The following COL5A1 variants were observed in gnomAD, a reference collection of about 807,000 sequenced individuals.
The protein encoded by COL5A1 is collagen type V alpha 1 chain.
Under a neutral mutation model 263.7 loss-of-function variants are expected in COL5A1, and 16 were observed. The ratio of observed to expected loss-of-function variants is 0.06; its 90% CI spans 0.04 to 0.09. COL5A1 has a LOEUF of 0.09. COL5A1 is among the 10% of genes least tolerant of loss of function. COL5A1 has a pLI of 1.00. For missense variants in COL5A1, 2,036 were observed against 2,540.5 expected, an observed-to-expected ratio of 0.80 and a Z score of 4.27; for synonymous variants, 1,012 against 1,004.5, an observed-to-expected ratio of 1.01 and a Z score of -0.14.
chr9:134,810,353 GGGC>G, intron 44 of COL5A1, 45 bp downstream of exon 44: 6 of 1,594,410 alleles, frequency 3.8e-6, no homozygotes, highest in Non-Finnish European at 5.2e-6. Context: ...AGGTCCCGGG[GGGC>G]CTCGTCGCAG....
chr9:134,816,038 T>C lies in COL5A1; in HGVS notation c.4122+50T>C, dbSNP rs772719603. The C allele has an allele frequency of 3.2e-6, 5 of 1,582,120 alleles. No individual in the cohort carries two copies. In the South Asian group the frequency reaches 4.4e-5, roughly 14 times the overall value. The stretch of plus-strand genomic sequence containing the variant: ...TCCTGGTGGAGGTGTCAGTGTATTC[T>C]TGGGACCTTGCAGCTTGCTTGACTC... On this transcript the variant is annotated intron_variant, in intron 52 of 65. Coordinates refer to ENST00000371817, the MANE Select transcript of COL5A1 (RefSeq NM_000093.5).
rs1272898875 is a variant in COL5A1 at position 134,844,476 on chromosome 9, A to C, written c.*2173A>C. The C allele has an allele frequency of 6.6e-6, 1 of 152,464 alleles. No homozygotes were observed. Among genetic ancestry groups the C allele is most frequent in the East Asian group, 1.9e-4 (1 of 5,202 alleles). 9.4% of individuals were successfully genotyped at this position (152,464 alleles called of 1,614,324 possible). A position where few individuals can be genotyped will look rare whatever the true frequency, so the allele number is the denominator to read the frequency against. ...GTTATAATTTGTACTGAACTTCAAA[A>C]TGTGTCCCGTTCTCCCCAGACCACT... On this transcript the variant is annotated 3_prime_UTR_variant, in exon 66 of 66. Transcript: ENST00000371817.
intron 18 of COL5A1, among the ~76,000 whole-genome samples, chr9:134,761,164 A>G: frequency 7.2e-6 from 1 of 138,460 alleles, no homozygotes; most frequent in East Asian, 2.3e-4. Context: ...ACACGCATAC[A>G]CACCTATACA....
chr9:134,744,657 GCT>G (rs955681613), intron 11 of COL5A1, among the ~76,000 whole-genome samples: 27 of 130,052 alleles, frequency 2.1e-4, no homozygotes, highest in African/African-American at 7.9e-4. Flanking sequence ...ACACAGGTAC[GCT>G]CACACACATG....
Position 134,762,005 on chromosome 9 carries a change from G to A in COL5A1, c.1989+27G>A, listed in dbSNP as rs753057282. The A allele has an allele frequency of 1.5e-5, 24 of 1,609,878 alleles. No homozygotes were observed. The South Asian group carries it at 2.6e-4, about 18-fold the overall frequency. On this transcript the variant is annotated intron_variant, in intron 19 of 65. Coordinates refer to ENST00000371817, the MANE Select transcript of COL5A1 (RefSeq NM_000093.5). ...TAGGTATTCTGCCGTCCCTCCGACT[G>A]CTCCTGCCTGCCCTACTCCTCAGTG...
intron 1 of COL5A1, among the ~76,000 whole-genome samples, chr9:134,668,148 A>G (rs2132508174): frequency 6.6e-6 from 1 of 152,334 alleles, no homozygotes; most frequent in East Asian, 1.9e-4. Flanking sequence ...CAATCAGAAG[A>G]TCTTGTGATC....
In COL5A1 at chr9:134,789,282, G is replaced by C; in HGVS notation, c.2700+74G>C. The C allele has an allele frequency of 8.0e-7, 1 of 1,249,188 alleles. No individual in the cohort carries two copies. Among genetic ancestry groups the C allele is most frequent in the Non-Finnish European group, 1.2e-6 (1 of 859,454 alleles). 77.4% of individuals were successfully genotyped at this position (1,249,188 alleles called of 1,614,324 possible). A position where few individuals can be genotyped will look rare whatever the true frequency, so the allele number is the denominator to read the frequency against. On this transcript the variant is annotated intron_variant, in intron 32 of 65. Transcript: ENST00000371817. This position sits in a 1 kb window ranked among gnomAD's most constrained non-coding sequence, Gnocchi z 4.8. ...TGCCTAGCAAGTTGGTTCTCCAGCC[G>C]ACGGCCTGTTTATTTCTCACTCTCT...
chr9:134,702,749 C>T (rs1833716867), intron 4 of COL5A1, among the ~76,000 whole-genome samples: 1 of 152,236 alleles, frequency 6.6e-6, no homozygotes, highest in African/African-American at 2.4e-5. Context: ...AGAGTGCTGG[C>T]CTCAGGGCAA....
At position 134,786,012 on chromosome 9, in the gene COL5A1, A is replaced by G; in HGVS notation, c.2610A>G (p.Pro870=). ...TCCCCCAGGGAAAACTCGGAGTCCCAGGGTTACCAGGGTATCCAGGAAGAC... is the reference window on the plus strand; with the variant it reads ...TCCCCCAGGGAAAACTCGGAGTCCCGGGGTTACCAGGGTATCCAGGAAGAC... ...PPGEKGKLGV[P]GLPGYPGRQG... Residue 870 remains proline (P), a synonymous_variant, in exon 31 of 66, where the codon CCA becomes CCG. Coordinates refer to ENST00000371817, the MANE Select transcript of COL5A1 (RefSeq NM_000093.5). 6.2e-7 allele frequency: 1 copy of G among 1,613,342 alleles called. No individual in the cohort carries two copies. Among genetic ancestry groups the G allele is most frequent in the Non-Finnish European group, 8.5e-7 (1 of 1,179,736 alleles).
chr9:134,693,448 A>G (rs1833355541), intron 2 of COL5A1, among the ~76,000 whole-genome samples: 1 of 152,156 alleles, frequency 6.6e-6, no homozygotes, highest in South Asian at 2.1e-4. Context: ...TTGCTCTTCC[A>G]GAGCCTTCTG....
intron 1 of COL5A1, among the ~76,000 whole-genome samples, chr9:134,687,026 C>A (rs1409784722): frequency 6.6e-6 from 1 of 152,172 alleles, no homozygotes; most frequent in Non-Finnish European, 1.5e-5. Context: ...CTCCACTATC[C>A]CATTTGGGGT....
chr9:134,731,727 C>T (rs1834889757), intron 8 of COL5A1, 64 bp downstream of exon 8: 9 of 1,542,276 alleles, frequency 5.8e-6, no homozygotes, highest in Non-Finnish European at 7.9e-6. Flanking sequence ...CATGGGGGCT[C>T]CTGCCCAAGA....
At chr9:134,653,633 C>T (rs1413419791) in intron 1 of COL5A1, among the ~76,000 whole-genome samples, 4 of 152,208 alleles carry the variant, frequency 2.6e-5, no homozygotes, top group Non-Finnish European at 2.9e-5. Flanking sequence ...CCAGGCTCTG[C>T]AGAGCCAGGG....
At chr9:134,701,532 T>C (rs1833676366) in intron 4 of COL5A1, among the ~76,000 whole-genome samples, 199 bp downstream of exon 4, 1 of 152,198 alleles carries the variant, frequency 6.6e-6, no homozygotes, top group African/African-American at 2.4e-5. Flanking sequence ...CCAGAGCTGC[T>C]GCCGCCTGTA....
chr9:134,830,311 C>T (rs1588609546), intron 64 of COL5A1: 1 of 878,762 alleles, frequency 1.1e-6, no homozygotes, highest in Non-Finnish European at 1.8e-6. Flanking sequence ...CACGTGACAG[C>T]AAGACTCAGC....
In COL5A1 at chr9:134,681,349, G is replaced by A. The variant is rs1832850413; in HGVS notation, c.110-9563G>A. ...CCTTTACAAACAGAGCAAATTGATG[G>A]CTTCGTGAACAATTTCTGCGAGCAT... On this transcript the variant is annotated intron_variant, in intron 1 of 65. Transcript: ENST00000371817. This position sits in a 1 kb window ranked among gnomAD's most constrained non-coding sequence, Gnocchi z 4.3. Among the ~76,000 whole-genome samples, 1 of 152,246 alleles carries A rather than the reference G, an allele frequency of 6.6e-6. No homozygotes were observed. Among genetic ancestry groups the A allele is most frequent in the South Asian group, 2.1e-4 (1 of 4,834 alleles).
Position 134,731,486 on chromosome 9 carries a change from C to T in COL5A1, c.1165-10C>T. On this transcript the variant is annotated splice_polypyrimidine_tract_variant and intron_variant, in intron 7 of 65. Coordinates refer to ENST00000371817, the MANE Select transcript of COL5A1 (RefSeq NM_000093.5). ...GCGAGGCAACCCTGCGCCTTCCTCTCCCTCTGCAGCCAGCTCCGCCTCCAG... is the reference window on the plus strand; with the variant it reads ...GCGAGGCAACCCTGCGCCTTCCTCTTCCTCTGCAGCCAGCTCCGCCTCCAG... 2 of 1,614,020 alleles carry T rather than the reference C, an allele frequency of 1.2e-6. No homozygotes were observed. The highest frequency in any genetic ancestry group is 1.6e-4 in the Middle Eastern group (1 of 6,062).
At position 134,695,792 on chromosome 9, in the gene COL5A1, C is replaced by T. The variant is rs1318152346; in HGVS notation, c.278-4117C>T. Among the ~76,000 whole-genome samples, 7 of 152,318 alleles carry T rather than the reference C, an allele frequency of 4.6e-5. 1 individual carries two copies. In the South Asian group the frequency reaches 1.2e-3, roughly 27 times the overall value. On this transcript the variant is annotated intron_variant, in intron 2 of 65. Transcript: ENST00000371817. ...ACTTCACTTCTGGCCATGACAAATG[C>T]AGTAAGTTTGGGTCCAGGCCAGAAG...
chr9:134,698,421 G>A (rs768926372), intron 2 of COL5A1, among the ~76,000 whole-genome samples: 3 of 151,732 alleles, frequency 2.0e-5, no homozygotes, highest in Non-Finnish European at 2.9e-5. Context: ...CAGCGCTCAC[G>A]CAGGCTCTGG....
Sources: gnomAD v4.1 joint callset for allele counts (sites outside exome capture counted in the v4.1 genomes callset) on GRCh38, gnomAD v4.1.1 for gene constraint, Gnocchi (gnomAD v3.1) non-coding constraint, MANE v1.5 for transcripts, NCBI Gene and HGNC (gene_info 2026-07-23, HGNC 2026-07-21) for gene names.